Variants in EEFSEC observed in about 807,000 individuals in gnomAD.
EEFSEC encodes the protein eukaryotic elongation factor, selenocysteine-tRNA specific.
In EEFSEC, 43 loss-of-function variants were observed where a neutral mutation model predicts 42.1. The observed-to-expected ratio is 1.02, with a 90% CI of 0.80 to 1.32. The LOEUF (loss-of-function observed/expected upper bound fraction) is 1.32, where lower values mean the gene tolerates loss of function less well. EEFSEC is among the 40% of genes most tolerant of loss of function. EEFSEC has a pLI of 0.00. For synonymous variants in EEFSEC, 354 were observed against 339.1 expected (o/e 1.04, Z -0.48); for missense variants, 745 against 803.6 (o/e 0.93, Z 0.88).
At position 128,408,302 on chromosome 3, in the gene EEFSEC, C is replaced by A; in HGVS notation, c.*43C>A. The A allele has an allele frequency of 6.7e-7, 1 of 1,501,138 alleles. No individual in the cohort carries two copies. Among genetic ancestry groups the A allele is most frequent in the Non-Finnish European group, 8.9e-7 (1 of 1,119,098 alleles). 93.0% of individuals were successfully genotyped at this position (1,501,138 alleles called of 1,614,324 possible). A position where few individuals can be genotyped will look rare whatever the true frequency, so the allele number is the denominator to read the frequency against. The stretch of plus-strand genomic sequence containing the variant: ...CCAGGGCCTCCTTGCCCAGCCCAGT[C>A]CAGGCTGCTGTGCCAAATCCCAACC... On this transcript the variant is annotated 3_prime_UTR_variant, in exon 7 of 7. Coordinates refer to ENST00000254730, the MANE Select transcript of EEFSEC (RefSeq NM_021937.5).
chr3:128,380,924 C>T (rs1311328154), intron 6 of EEFSEC, among the ~76,000 whole-genome samples: 1 of 152,216 alleles, frequency 6.6e-6, no homozygotes, highest in Admixed American at 6.5e-5. Context: ...ACTCACCGTT[C>T]CCGCCAGGTG....
chr3:128,230,625 G>C (rs1020057902), intron 1 of EEFSEC, among the ~76,000 whole-genome samples: 3 of 152,174 alleles, frequency 2.0e-5, no homozygotes, highest in Non-Finnish European at 2.9e-5. Flanking sequence ...AGTGAGGTTG[G>C]TTAGCAAGTA....
At chr3:128,365,876 A>C (rs772518696) in intron 6 of EEFSEC, among the ~76,000 whole-genome samples, 1 of 152,252 alleles carries the variant, frequency 6.6e-6, no homozygotes, top group Non-Finnish European at 1.5e-5. Flanking sequence ...AAGCCAAATC[A>C]TAGAGGCATC....
Position 128,246,841 on chromosome 3 carries a change from C to T in EEFSEC, c.322C>T (p.Gln108Ter), listed in dbSNP as rs1333869471. 2.5e-6 allele frequency: 4 copies of T among 1,613,794 alleles called. No individual in the cohort carries two copies. The highest frequency in any genetic ancestry group is 2.2e-5 in the East Asian group (1 of 44,880). ...SLIRTIIGGA[Q>*]IIDLMMLVID... ...CTTCTCTTCTCTTATTCCAGGGGCC[C>T]AGATCATTGATCTGATGATGCTGGT... is the stretch of plus-strand genomic sequence containing the variant. The change falls in exon 2 of 7, where the codon CAG (glutamine) becomes TAG (stop). Residue 108 changes from glutamine (Q) to a stop codon, truncating the protein, a stop_gained. Transcript: ENST00000254730. LOFTEE classifies it high-confidence loss of function.
intron 1 of EEFSEC, among the ~76,000 whole-genome samples, chr3:128,187,400 C>G (rs935967601): frequency 6.6e-6 from 1 of 152,192 alleles, no homozygotes; most frequent in South Asian, 2.1e-4. Context: ...TGCTTCTGGG[C>G]TTTCCCAGAG....
Position 128,317,706 on chromosome 3 carries a change from T to C in EEFSEC, c.787-23527T>C, listed in dbSNP as rs1329110286. Reference sequence around the variant, plus strand: ...GGCTTTGCACTGCCTGGCTCCTGCCTCAGCTGCAGCCATTTGTGCTCACGT... The same window carrying C: ...GGCTTTGCACTGCCTGGCTCCTGCCCCAGCTGCAGCCATTTGTGCTCACGT... On this transcript the variant is annotated intron_variant, in intron 4 of 6. Transcript: ENST00000254730. The surrounding 1 kb of genome is among the most constrained non-coding windows in gnomAD (Gnocchi z 4.1). 2.0e-5 allele frequency among the ~76,000 whole-genome samples: 3 copies of C among 152,328 alleles called. No individual in the cohort carries two copies. The East Asian group carries it at 5.8e-4, about 29-fold the overall frequency.
In EEFSEC at chr3:128,341,387, C is replaced by G. The variant is rs538457285; in HGVS notation, c.941C>G (p.Ala314Gly). 1.2e-6 allele frequency: 2 copies of G among 1,614,056 alleles called. No individual in the cohort carries two copies. The highest frequency in any genetic ancestry group is 2.7e-5 in the African/African-American group (2 of 74,910). Residue 314 changes from alanine to glycine, a missense_variant, in exon 5 of 7, where the codon GCG becomes GGG. Transcript: ENST00000254730. ...CCCGAGTCCCTGCACACTGTCCATG[C>G]GGCCCTCATCTCTGTGGAAAAGATA... is the stretch of plus-strand genomic sequence containing the variant. The part of the protein sequence containing the change: ...CAPESLHTVH[A>G]ALISVEKIPY...
chr3:128,262,727 G>C (rs2107929699), intron 3 of EEFSEC, among the ~76,000 whole-genome samples: 1 of 152,356 alleles, frequency 6.6e-6, no homozygotes, highest in African/African-American at 2.4e-5. Context: ...ATCTTCGGAA[G>C]CTGTGGGGCT....
chr3:128,356,807 C>T (rs976788485), intron 5 of EEFSEC, among the ~76,000 whole-genome samples: 19 of 152,210 alleles, frequency 1.2e-4, no homozygotes, highest in African/African-American at 4.1e-4. Flanking sequence ...TTCTTTTTAA[C>T]GTGAAACACA....
At chr3:128,291,221 A>G (rs912819613) in intron 4 of EEFSEC, among the ~76,000 whole-genome samples, 25 of 152,286 alleles carry the variant, frequency 1.6e-4, no homozygotes, top group African/African-American at 6.0e-4. Context: ...ATTTACTGCT[A>G]GTATATAGAA....
intron 6 of EEFSEC, among the ~76,000 whole-genome samples, chr3:128,386,815 G>A (rs962424874): frequency 7.9e-5 from 12 of 152,260 alleles, no homozygotes; most frequent in East Asian, 7.7e-4. Context: ...CTCACAGAGC[G>A]AGAACTCACT....
At chr3:128,204,732 C>T (rs567655221) in intron 1 of EEFSEC, among the ~76,000 whole-genome samples, 1 of 152,250 alleles carries the variant, frequency 6.6e-6, no homozygotes, top group South Asian at 2.1e-4. Context: ...CCGCCTTCCC[C>T]AGGGCATGGT....
intron 4 of EEFSEC, among the ~76,000 whole-genome samples, chr3:128,307,571 G>C (rs1331734924): frequency 6.6e-6 from 1 of 152,212 alleles, no homozygotes; most frequent in Admixed American, 6.5e-5. Context: ...CAGGCCTGTG[G>C]TTCCAGTAGG....
At chr3:128,338,559 T>A (rs2067216130) in intron 4 of EEFSEC, among the ~76,000 whole-genome samples, 6 of 152,050 alleles carry the variant, frequency 3.9e-5, no homozygotes, top group Admixed American at 3.3e-4. Flanking sequence ...CGAATGGGAA[T>A]TTGCCAGTGG....
chr3:128,259,555 A>G (rs769549693), intron 2 of EEFSEC, among the ~76,000 whole-genome samples: 3 of 152,336 alleles, frequency 2.0e-5, no homozygotes, highest in East Asian at 1.9e-4. Context: ...CATACTTTCA[A>G]TGTGGAAAGA....
At chr3:128,323,803 A>AT (rs2067033913) in intron 4 of EEFSEC, among the ~76,000 whole-genome samples, 2 of 152,170 alleles carry the variant, frequency 1.3e-5, no homozygotes. Context: ...GGCGGCTGCC[A>AT]TGTTGAATGC....
chr3:128,399,474 C>G (rs1280074985), intron 6 of EEFSEC, among the ~76,000 whole-genome samples: 1 of 152,164 alleles, frequency 6.6e-6, no homozygotes, highest in East Asian at 1.9e-4. Flanking sequence ...GTTGCAGGGA[C>G]AGCAGAGTAC....
chr3:128,246,694 G>A, intron 1 of EEFSEC, 142 bp from the exon 2 acceptor site: 2 of 863,524 alleles, frequency 2.3e-6, no homozygotes, highest in South Asian at 1.6e-5. Flanking sequence ...CTAGCACAGG[G>A]CCTGTAGCCA....
chr3:128,337,672 C>T (rs1576649573), intron 4 of EEFSEC, among the ~76,000 whole-genome samples: 1 of 152,372 alleles, frequency 6.6e-6, no homozygotes, highest in Non-Finnish European at 1.5e-5. Context: ...CCAGGTTTCT[C>T]AGCAGCTCCT....
Sources: allele counts gnomAD v4.1 joint callset (sites outside exome capture counted in the v4.1 genomes callset), GRCh38; gene constraint gnomAD v4.1.1; non-coding constraint Gnocchi (gnomAD v3.1); transcripts MANE v1.5; gene names NCBI Gene and HGNC (gene_info 2026-07-23, HGNC 2026-07-21).